The following TAFA1 variants were observed in gnomAD, a reference collection of about 807,000 sequenced individuals.
The protein encoded by TAFA1 is chemokine-like protein TAFA-1.
Under a neutral mutation model 18.5 loss-of-function variants are expected in TAFA1, and 4 were observed. The observed-to-expected ratio is 0.22, with a 90% confidence interval of 0.11 to 0.49. The LOEUF is 0.49. Among genes scored for constraint, TAFA1 ranks in the 20% least tolerant of loss-of-function variants. The pLI is 0.98. For synonymous variants in TAFA1, 56 were observed against 55.2 expected (o/e 1.01, Z -0.06); for missense variants, 147 against 169.0 (o/e 0.87, Z 0.72).
chr3:68,053,903 C>T (rs896832668), intron 2 of TAFA1, among the ~76,000 whole-genome samples: 1 of 151,990 alleles, frequency 6.6e-6, no homozygotes, highest in African/African-American at 2.4e-5. Flanking sequence ...TGAGGTCTTA[C>T]TATATTGCCC....
intron 2 of TAFA1, among the ~76,000 whole-genome samples, chr3:68,102,830 GT>G: frequency 6.6e-6 from 1 of 152,250 alleles, no homozygotes; most frequent in Non-Finnish European, 1.5e-5. Flanking sequence ...GGGCTTAAGG[GT>G]CCAGCTCTGG....
intron 2 of TAFA1, among the ~76,000 whole-genome samples, chr3:68,174,631 T>C (rs925801422): frequency 6.6e-6 from 1 of 152,146 alleles, no homozygotes; most frequent in Non-Finnish European, 1.5e-5. Context: ...GGAAGAAATT[T>C]CTAAGCAGCA....
chr3:67,992,170 G>A, the TAFA1 span, among the ~76,000 whole-genome samples: 1 of 152,228 alleles, frequency 6.6e-6, no homozygotes, highest in Non-Finnish European at 1.5e-5. Context: ...AAAACATATG[G>A]AGAAAGCTTT....
chr3:68,199,008 G>T (rs2066443889), intron 2 of TAFA1, among the ~76,000 whole-genome samples: 1 of 151,432 alleles, frequency 6.6e-6, no homozygotes, highest in Non-Finnish European at 1.5e-5. Context: ...TTTGCATTTT[G>T]CATTTAGGTC....
chr3:68,013,279 T>A (rs1160080053), intron 2 of TAFA1, among the ~76,000 whole-genome samples: 1 of 152,098 alleles, frequency 6.6e-6, no homozygotes, highest in African/African-American at 2.4e-5. Flanking sequence ...GTATGTGCAT[T>A]TTTGTGTGTG....
chr3:68,356,192 TA>T (rs1019720735), intron 2 of TAFA1, among the ~76,000 whole-genome samples: 1 of 151,730 alleles, frequency 6.6e-6, no homozygotes, highest in Non-Finnish European at 1.5e-5. Context: ...TGGGTTGGAA[TA>T]AAAAAACAAT....
chr3:68,039,674 A>G (rs529124925), intron 2 of TAFA1, among the ~76,000 whole-genome samples: 3 of 152,276 alleles, frequency 2.0e-5, no homozygotes, highest in African/African-American at 7.2e-5. Context: ...CCTTGAAACA[A>G]GGATTTGAGT....
chr3:68,250,106 G>A lies in TAFA1; in HGVS notation c.119-167174G>A, dbSNP rs115925752. Among the ~76,000 whole-genome samples, 772 of 152,056 alleles carry A rather than the reference G, an allele frequency of 5.1e-3. 6 individuals are homozygous for A. The highest frequency in any genetic ancestry group is 0.018 in the African/African-American group (739 of 41,440). On this transcript the variant is annotated intron_variant, in intron 2 of 4. Transcript: ENST00000478136. ...AAGCATTTCCAGGGAGTAACTATAC[G>A]CTCTCATCACTTATAGCTTTGTCCC...
rs200474857 is a variant in TAFA1 at position 68,472,228 on chromosome 3, A to G, written c.259+54808A>G. ...TCCCCATACTGTTCTCATGATACTA[A>G]ATAAGTCTCACAAGATCTGATGGTT... is the stretch of plus-strand genomic sequence containing the variant. On this transcript the variant is annotated intron_variant, in intron 3 of 4. Transcript: ENST00000478136. Among the ~76,000 whole-genome samples the G allele has an allele frequency of 4.6e-5, 7 of 152,222 alleles. No homozygotes were observed. In the East Asian group the frequency reaches 1.4e-3, roughly 29 times the overall value.
At chr3:68,184,886 G>A (rs1258398984) in intron 2 of TAFA1, among the ~76,000 whole-genome samples, 1 of 152,162 alleles carries the variant, frequency 6.6e-6, no homozygotes, top group African/African-American at 2.4e-5. Context: ...TGAGACATGG[G>A]AAAGTGTGTT....
At chr3:68,349,764 G>C (rs1001935146) in intron 2 of TAFA1, among the ~76,000 whole-genome samples, 3 of 152,022 alleles carry the variant, frequency 2.0e-5, no homozygotes, top group African/African-American at 7.2e-5. Flanking sequence ...AGCAAGCAGG[G>C]GATCAGGTGT....
At chr3:68,430,026 A>T (rs973745599) in intron 3 of TAFA1, among the ~76,000 whole-genome samples, 1 of 151,982 alleles carries the variant, frequency 6.6e-6, no homozygotes, top group African/African-American at 2.4e-5. Context: ...ACTTAATCAC[A>T]TAATGCTGAA....
intron 2 of TAFA1, among the ~76,000 whole-genome samples, chr3:68,268,580 A>T: frequency 6.6e-6 from 1 of 152,166 alleles, no homozygotes; most frequent in African/African-American, 2.4e-5. Flanking sequence ...GGTGAAAGGG[A>T]TAGCAAAGAA....
chr3:68,048,363 G>T (rs180771244), intron 2 of TAFA1, among the ~76,000 whole-genome samples: 1 of 151,944 alleles, frequency 6.6e-6, no homozygotes, highest in Non-Finnish European at 1.5e-5. Flanking sequence ...GGGTACATGA[G>T]ATATTTTGAT....
At chr3:68,301,796 C>G (rs2068307436) in intron 2 of TAFA1, among the ~76,000 whole-genome samples, 1 of 152,112 alleles carries the variant, frequency 6.6e-6, no homozygotes, top group African/African-American at 2.4e-5. Flanking sequence ...TGTGGGAAAG[C>G]AAGAAAGAAC....
intron 2 of TAFA1, among the ~76,000 whole-genome samples, chr3:68,202,578 G>A (rs1156608907): frequency 1.3e-5 from 2 of 151,164 alleles, no homozygotes; most frequent in South Asian, 2.1e-4. Context: ...CACTTATTTA[G>A]TGGTTATTCT....
rs191542443 is a variant in TAFA1, at chr3:68,366,820, A to T, written c.119-50460A>T. 3.2e-3 allele frequency among the ~76,000 whole-genome samples: 483 copies of T among 152,362 alleles called. 4 individuals carry two copies. The highest frequency in any genetic ancestry group is 0.011 in the African/African-American group (459 of 41,578). ...TGCCTGATTTAACAGTATGTGCTCA[A>T]TAAACAGAACTCACATTTATTATTA... On this transcript the variant is annotated intron_variant, in intron 2 of 4. Transcript: ENST00000478136.
At chr3:68,327,061 A>G (rs2068787678) in intron 2 of TAFA1, among the ~76,000 whole-genome samples, 1 of 152,172 alleles carries the variant, frequency 6.6e-6, no homozygotes, top group Non-Finnish European at 1.5e-5. Context: ...GTGATAGTGA[A>G]TAAGTCTTAC....
At chr3:68,443,463 G>A (rs976630287) in intron 3 of TAFA1, among the ~76,000 whole-genome samples, 1 of 138,796 alleles carries the variant, frequency 7.2e-6, no homozygotes, top group South Asian at 2.3e-4. Context: ...ACCAGAGACT[G>A]GGCAATTTAC....
Sources: gnomAD v4.1 joint callset for allele counts (sites outside exome capture counted in the v4.1 genomes callset) on GRCh38, gnomAD v4.1.1 for gene constraint, MANE v1.5 for transcripts, NCBI Gene and HGNC (gene_info 2026-07-23, HGNC 2026-07-21) for gene names.